Variants in SPEN observed in about 807,000 individuals in gnomAD.
SPEN encodes the protein spen family transcriptional repressor, also known as msx2-interacting protein.
A neutral mutation model predicts 269.9 loss-of-function variants in SPEN; 18 were observed. The ratio of observed to expected loss-of-function variants is 0.07; its 90% CI spans 0.05 to 0.10. The LOEUF (loss-of-function observed/expected upper bound fraction) is 0.10. Among genes scored for constraint, SPEN ranks in the 10% least tolerant of loss-of-function variants. The probability of loss-of-function intolerance (pLI) is 1.00; values close to 1 mark genes in which losing one functional copy is unlikely to be tolerated. For missense variants in SPEN, 3,822 were observed against 4,631.2 expected, an observed-to-expected ratio of 0.83 and a Z score of 5.07; for synonymous variants, 1,726 against 1,765.7, an observed-to-expected ratio of 0.98 and a Z score of 0.56.
intron 6 of SPEN, 23 bp downstream of exon 6, chr1:15,916,302 A>G (rs2071066660): frequency 1.2e-6 from 2 of 1,605,244 alleles, no homozygotes; most frequent in Non-Finnish European, 1.7e-6. Flanking sequence ...TACTATGTAA[A>G]CAATTTTAGG....
intron 3 of SPEN, among the ~76,000 whole-genome samples, chr1:15,891,508 C>T (rs559088924): frequency 1.1e-4 from 17 of 151,714 alleles, no homozygotes; most frequent in African/African-American, 1.9e-4. Context: ...CCCGCCACCA[C>T]GCCCGGCTAA....
At chr1:15,884,149 T>G (rs1015724707) in intron 3 of SPEN, among the ~76,000 whole-genome samples, 4 of 152,170 alleles carry the variant, frequency 2.6e-5, no homozygotes, top group African/African-American at 7.2e-5. Flanking sequence ...TTTAATGAAT[T>G]CTGGATTTTA....
At chr1:15,913,925 C>A (rs184298779) in intron 5 of SPEN, among the ~76,000 whole-genome samples, 63 of 152,266 alleles carry the variant, frequency 4.1e-4, no homozygotes, top group African/African-American at 1.4e-3. Flanking sequence ...GAAGCCGTTA[C>A]AGATTTTAAT....
chr1:15,937,025 G>T lies in SPEN; in HGVS notation c.10027-138G>T. 7.7e-7 allele frequency: 1 copy of T among 1,304,324 alleles called. No homozygotes were observed. Among genetic ancestry groups the T allele is most frequent in the African/African-American group, 1.5e-5 (1 of 67,688 alleles). 80.8% of individuals were successfully genotyped at this position (1,304,324 alleles called of 1,614,324 possible). A position where few individuals can be genotyped will look rare whatever the true frequency, so the allele number is the denominator to read the frequency against. The stretch of plus-strand genomic sequence containing the variant: ...CCCCGAAAGCAGCTCCGTTGATTCA[G>T]GCTCCTTCTGTGGGCCTGACTTAAC... On this transcript the variant is annotated intron_variant, in intron 11 of 14. Transcript: ENST00000375759. This position sits in a 1 kb window ranked among gnomAD's most constrained non-coding sequence, Gnocchi z 5.7.
chr1:15,851,675 G>A (rs2070337385), intron 1 of SPEN, among the ~76,000 whole-genome samples: 1 of 152,090 alleles, frequency 6.6e-6, no homozygotes, highest in African/African-American at 2.4e-5. Context: ...AACTGAGGTA[G>A]CCCCTCGTGT....
rs1486366667 is a variant in SPEN, at chr1:15,933,536, C to T, written c.7296C>T (p.Pro2432=). 3.7e-6 allele frequency: 6 copies of T among 1,613,988 alleles called. No individual in the cohort carries two copies. The highest frequency in any genetic ancestry group is 1.6e-4 in the Middle Eastern group (1 of 6,062). ...PTKASVPPDL[P]PPPQPAPVDE... is the part of the protein sequence containing the mutation. ...AAGCATCTGTGCCCCCAGACCTTCC[C>T]CCACCTCCCCAGCCAGCACCGGTGG... is the stretch of plus-strand genomic sequence containing the variant. The change falls in exon 11 of 15, where the codon CCC becomes CCT. Residue 2432 remains proline, a synonymous_variant. Transcript: ENST00000375759. This position sits in a 1 kb window ranked among gnomAD's most constrained non-coding sequence, Gnocchi z 5.7.
intron 5 of SPEN, among the ~76,000 whole-genome samples, chr1:15,912,155 C>T (rs1247495221): frequency 6.6e-6 from 1 of 152,122 alleles, no homozygotes; most frequent in Non-Finnish European, 1.5e-5. Context: ...CATTTATTAT[C>T]TTGAACCTAC....
chr1:15,867,607 T>G, intron 1 of SPEN, among the ~76,000 whole-genome samples: 1 of 152,164 alleles, frequency 6.6e-6, no homozygotes, highest in Non-Finnish European at 1.5e-5. Flanking sequence ...TTGTTGTTGT[T>G]TTTTGAGGCA....
At chr1:15,921,821 A>G (rs192253631) in intron 9 of SPEN, among the ~76,000 whole-genome samples, 31 of 152,366 alleles carry the variant, frequency 2.0e-4, no homozygotes, top group Admixed American at 1.8e-3. Context: ...AAATAAGATG[A>G]TAAGCTATTT....
chr1:15,849,895 A>AC (rs2070316291), intron 1 of SPEN, among the ~76,000 whole-genome samples: 1 of 152,104 alleles, frequency 6.6e-6, no homozygotes, highest in Admixed American at 6.6e-5. Context: ...ATTCGTATGC[A>AC]CCGATGTACA....
chr1:15,888,587 G>A (rs2070757809), intron 3 of SPEN, among the ~76,000 whole-genome samples: 1 of 151,734 alleles, frequency 6.6e-6, no homozygotes, highest in Non-Finnish European at 1.5e-5. Flanking sequence ...GCCTCCCAAA[G>A]TGCTGGGATT....
intron 6 of SPEN, 86 bp from the exon 7 acceptor site, chr1:15,918,840 G>C (rs1570046709): frequency 8.8e-7 from 1 of 1,140,920 alleles, no homozygotes; most frequent in East Asian, 2.4e-5. Flanking sequence ...TGACTTTTTT[G>C]AGAAATAAAT....
intron 3 of SPEN, among the ~76,000 whole-genome samples, chr1:15,889,322 C>G (rs536451499): frequency 2.6e-5 from 4 of 152,130 alleles, no homozygotes; most frequent in African/African-American, 9.6e-5. Context: ...TGTGCCACCA[C>G]GCCCAACTAA....
intron 2 of SPEN, among the ~76,000 whole-genome samples, chr1:15,875,547 A>T (rs371336609): frequency 6.6e-6 from 1 of 152,182 alleles, no homozygotes; most frequent in Admixed American, 6.5e-5. Flanking sequence ...TGATACTTGA[A>T]GTGGTTTTTT....
chr1:15,855,094 C>T (rs983686288), intron 1 of SPEN, among the ~76,000 whole-genome samples: 1 of 152,148 alleles, frequency 6.6e-6, no homozygotes, highest in Non-Finnish European at 1.5e-5. Context: ...TAAGGAACTG[C>T]TCCAATCCTT....
At position 15,928,359 on chromosome 1, in the gene SPEN, G is replaced by A; in HGVS notation, c.2119G>A (p.Glu707Lys). Residue 707 changes from glutamate (E) to lysine (K), a missense_variant, in exon 11 of 15, where the codon GAA (glutamate) becomes AAA (lysine). Glu to Lys is a moderately conservative substitution (Grantham distance 56). This residue lies in a region of SPEN where 572 missense variants were observed against 582.6 expected (regional missense o/e 0.98). Transcript: ENST00000375759. The surrounding 1 kb of genome is among the most constrained non-coding windows in gnomAD (Gnocchi z 5.7). ...YRQRERERERERFESDRDRDH... is the reference protein window; with the variant it reads ...YRQRERERERKRFESDRDRDH... ...GCAAAGGGAACGAGAAAGAGAACGT[G>A]AAAGATTTGAGTCTGACCGGGACAG... The A allele has an allele frequency of 6.2e-7, 1 of 1,614,188 alleles. No individual in the cohort carries two copies.
intron 10 of SPEN, among the ~76,000 whole-genome samples, chr1:15,925,625 T>C (rs548888518): frequency 7.9e-5 from 12 of 151,682 alleles, no homozygotes; most frequent in South Asian, 2.1e-4. Flanking sequence ...GATGGGGTCT[T>C]GCTGTGTTGA....
At chr1:15,885,085 G>A (rs944362025) in intron 3 of SPEN, among the ~76,000 whole-genome samples, 3 of 151,980 alleles carry the variant, frequency 2.0e-5, no homozygotes, top group Admixed American at 6.6e-5. Context: ...ATCATTTTTC[G>A]GTGATGATCA....
Position 15,936,367 on chromosome 1 carries a change from G to T in SPEN, c.10026+101G>T, listed in dbSNP as rs180807715. ...GTGTGAAAGAAATCAGGGGCCAGGT[G>T]TGGTGGCTTATGCCTGTAATCCCAG... On this transcript the variant is annotated intron_variant, in intron 11 of 14. Transcript: ENST00000375759. The T allele has an allele frequency of 1.5e-3, 2,194 of 1,416,994 alleles. 9 individuals are homozygous for T. Among genetic ancestry groups the T allele is most frequent in the Middle Eastern group, 8.7e-3 (46 of 5,272 alleles). 87.8% of individuals were successfully genotyped at this position (1,416,994 alleles called of 1,614,324 possible). A position where few individuals can be genotyped will look rare whatever the true frequency, so the allele number is the denominator to read the frequency against.
Sources: gnomAD v4.1 joint callset for allele counts (sites outside exome capture counted in the v4.1 genomes callset) on GRCh38, gnomAD v4.1.1 for gene constraint, gnomAD v4.1.1 regional missense constraint, Gnocchi (gnomAD v3.1) non-coding constraint, MANE v1.5 for transcripts, NCBI Gene and HGNC (gene_info 2026-07-23, HGNC 2026-07-21) for gene names.